Variants in GRM5 observed in about 807,000 individuals in gnomAD.
GRM5 encodes glutamate metabotropic receptor 5.
GRM5 carries 19 observed loss-of-function variants against 83.1 expected under a neutral mutation model. The ratio of observed to expected loss-of-function variants is 0.23; its 90% CI spans 0.16 to 0.34. GRM5 has a LOEUF of 0.34. Ranked by LOEUF, GRM5 falls within the 10% of genes least tolerant of loss-of-function variation. GRM5 has a pLI of 1.00. For missense variants in GRM5, 1,160 were observed against 1,588.3 expected (o/e 0.73, Z 4.58); for synonymous variants, 675 against 633.6 (o/e 1.07, Z -0.98).
At chr11:88,605,029 C>A (rs1162439913) in intron 4 of GRM5, 65 bp from the exon 5 acceptor site, 2 of 1,330,520 alleles carry the variant, frequency 1.5e-6, no homozygotes, top group Non-Finnish European at 2.1e-6. Context: ...TTCCTGGGTA[C>A]TGAATAATGG....
At chr11:88,618,333 C>G (rs12786036) in intron 4 of GRM5, among the ~76,000 whole-genome samples, 18,245 of 152,250 alleles carry the variant, frequency 0.12, 1,449 homozygotes, top group Non-Finnish European at 0.18. Flanking sequence ...AGCCCAGACA[C>G]TTTTACTAAT....
chr11:88,528,465 A>G lies in GRM5; in HGVS notation c.2631-3061T>C, dbSNP rs979010344. Among the ~76,000 whole-genome samples, 5 of 152,074 alleles carry G rather than the reference A, an allele frequency of 3.3e-5. No homozygotes were observed. The East Asian group carries it at 7.7e-4, about 23-fold the overall frequency. On this transcript the variant is annotated intron_variant, in intron 8 of 9. Coordinates refer to ENST00000305447, the MANE Select transcript of GRM5 (RefSeq NM_001143831.3). ...ATTACTAATAGATTTAATAGTCTCA[A>G]CTGTTGAGTTTAAAAACTCAACATT...
At chr11:88,997,749 A>T (rs2135062259) in intron 2 of GRM5, among the ~76,000 whole-genome samples, 1 of 152,296 alleles carries the variant, frequency 6.6e-6, no homozygotes, top group East Asian at 1.9e-4. Flanking sequence ...CAATTTACTC[A>T]AATACTTAAA....
In GRM5 at chr11:88,896,697, G is replaced by A. The variant is rs910314891; in HGVS notation, c.662-46542C>T. ...AGAATGGTGTCCCAAATCAAACAGAGAGAGTGAATCCTCCCTTCCTATCTT... is the reference window on the plus strand; with the variant it reads ...AGAATGGTGTCCCAAATCAAACAGAAAGAGTGAATCCTCCCTTCCTATCTT... On this transcript the variant is annotated intron_variant, in intron 2 of 9. Coordinates refer to ENST00000305447, the MANE Select transcript of GRM5 (RefSeq NM_001143831.3). Among the ~76,000 whole-genome samples, 7 of 151,970 alleles carry A rather than the reference G, an allele frequency of 4.6e-5. No individual in the cohort carries two copies. In the East Asian group the frequency reaches 1.4e-3, roughly 30 times the overall value.
intron 9 of GRM5, among the ~76,000 whole-genome samples, chr11:88,516,779 C>T (rs1941532030): frequency 6.6e-6 from 1 of 151,476 alleles, no homozygotes. Flanking sequence ...CAGTTCTAGT[C>T]CCATTTCCTG....
chr11:88,733,482 A>G (rs1215966667), intron 3 of GRM5, among the ~76,000 whole-genome samples: 1 of 152,022 alleles, frequency 6.6e-6, no homozygotes, highest in African/African-American at 2.4e-5. Flanking sequence ...ACTCTGAATT[A>G]TCTCTTTTCA....
intron 2 of GRM5, among the ~76,000 whole-genome samples, chr11:89,003,078 G>T (rs762718420): frequency 2.6e-5 from 4 of 152,072 alleles, no homozygotes; most frequent in Non-Finnish European, 4.4e-5. Flanking sequence ...ACAAAAACAT[G>T]TTAAATGGAA....
intron 2 of GRM5, among the ~76,000 whole-genome samples, chr11:88,992,623 T>C (rs1940019757): frequency 6.6e-6 from 1 of 151,344 alleles, no homozygotes; most frequent in South Asian, 2.1e-4. Context: ...AACCCAAATG[T>C]CCAACAGTGA....
intron 3 of GRM5, among the ~76,000 whole-genome samples, chr11:88,761,677 C>T (rs1177454230): frequency 6.6e-6 from 1 of 151,802 alleles, no homozygotes; most frequent in Non-Finnish European, 1.5e-5. Flanking sequence ...ATCAATGATA[C>T]TCTTCACAGA....
chr11:88,680,787 A>C (rs1185833385), intron 3 of GRM5, among the ~76,000 whole-genome samples: 1 of 152,154 alleles, frequency 6.6e-6, no homozygotes, highest in African/African-American at 2.4e-5. Flanking sequence ...CTTCTATTAC[A>C]TCACCCTTAT....
chr11:88,883,293 G>C (rs1297611271), intron 2 of GRM5, among the ~76,000 whole-genome samples: 1 of 152,166 alleles, frequency 6.6e-6, no homozygotes, highest in Non-Finnish European at 1.5e-5. Context: ...GAATGGCTTT[G>C]ACCAAAATGC....
At chr11:88,986,588 T>C (rs548353703) in intron 2 of GRM5, among the ~76,000 whole-genome samples, 75 of 151,186 alleles carry the variant, frequency 5.0e-4, no homozygotes, top group South Asian at 4.4e-3. Flanking sequence ...CCCTTACACA[T>C]TTTTGGTATT....
intron 3 of GRM5, among the ~76,000 whole-genome samples, chr11:88,721,750 C>T (rs1038445296): frequency 6.6e-6 from 1 of 152,030 alleles, no homozygotes; most frequent in Non-Finnish European, 1.5e-5. Flanking sequence ...TTATGCCTCT[C>T]AGTAATGAAG....
intron 2 of GRM5, among the ~76,000 whole-genome samples, chr11:88,973,155 GT>G (rs1295164261): frequency 1.3e-5 from 2 of 152,122 alleles, no homozygotes; most frequent in Non-Finnish European, 2.9e-5. Context: ...AGTGGGGTCT[GT>G]GGACCAGAAA....
chr11:88,768,896 T>G (rs1376618055), intron 3 of GRM5, among the ~76,000 whole-genome samples: 2 of 152,030 alleles, frequency 1.3e-5, no homozygotes, highest in African/African-American at 4.8e-5. Flanking sequence ...CACCTTCACT[T>G]TATACACTGG....
intron 2 of GRM5, among the ~76,000 whole-genome samples, chr11:88,934,744 G>T (rs1027719909): frequency 1.3e-5 from 2 of 151,496 alleles, no homozygotes; most frequent in African/African-American, 4.8e-5. Flanking sequence ...AAATATTAGG[G>T]TCTAATTCAT....
chr11:88,571,115 C>T (rs1419749035), intron 7 of GRM5, among the ~76,000 whole-genome samples: 1 of 152,076 alleles, frequency 6.6e-6, no homozygotes, highest in Non-Finnish European at 1.5e-5. Context: ...TCTGCTAAAT[C>T]TTAATTGTTT....
chr11:88,729,425 A>T (rs1476281855), intron 3 of GRM5, among the ~76,000 whole-genome samples: 1 of 152,186 alleles, frequency 6.6e-6, no homozygotes, highest in Non-Finnish European at 1.5e-5. Flanking sequence ...GATAGGAAGA[A>T]TTATATTGTG....
chr11:88,907,167 T>C (rs764705796), intron 2 of GRM5, among the ~76,000 whole-genome samples: 1 of 152,102 alleles, frequency 6.6e-6, no homozygotes, highest in Non-Finnish European at 1.5e-5. Context: ...AGGATGGTTA[T>C]GAAAAATAAA....
Sources: gnomAD v4.1 joint callset for allele counts (sites outside exome capture counted in the v4.1 genomes callset) on GRCh38, gnomAD v4.1.1 for gene constraint, MANE v1.5 for transcripts, NCBI Gene and HGNC (gene_info 2026-07-23, HGNC 2026-07-21) for gene names.